LUZP2: variants seen among roughly 807,000 people sequenced by gnomAD.
The protein encoded by LUZP2 is leucine zipper protein 2.
LUZP2 carries 52 observed loss-of-function variants against 51.6 expected under a neutral mutation model. That is an observed-to-expected ratio of 1.01 (90% CI 0.81 to 1.27). LUZP2 has a LOEUF of 1.27. Ranked by LOEUF, LUZP2 falls within the 50% of genes most tolerant of loss-of-function variation. The probability of loss-of-function intolerance (pLI) is 0.00; values close to 1 mark genes in which losing one functional copy is unlikely to be tolerated. For synonymous variants in LUZP2, 154 were observed against 137.3 expected, an observed-to-expected ratio of 1.12 and a Z score of -0.85; for missense variants, 436 against 395.4, an observed-to-expected ratio of 1.10 and a Z score of -0.87.
intron 7 of LUZP2, among the ~76,000 whole-genome samples, chr11:24,949,495 CTGATGT>C (rs1320708386): frequency 6.6e-6 from 1 of 151,566 alleles, no homozygotes; most frequent in Non-Finnish European, 1.5e-5. Flanking sequence ...TTTGAGTACA[CTGATGT>C]TGATGTTTCT....
chr11:24,637,333 T>C (rs1855138764), intron 1 of LUZP2, among the ~76,000 whole-genome samples: 1 of 151,810 alleles, frequency 6.6e-6, no homozygotes, highest in Non-Finnish European at 1.5e-5. Context: ...GCTGAGGATG[T>C]ATGTCACCTC....
chr11:24,644,234 C>CTT (rs1408990429), intron 1 of LUZP2, among the ~76,000 whole-genome samples: 2 of 152,128 alleles, frequency 1.3e-5, no homozygotes, highest in Admixed American at 1.3e-4. Flanking sequence ...ATGCTTGACT[C>CTT]TTTCTTATGT....
chr11:24,626,616 C>T (rs1006053875), intron 1 of LUZP2, among the ~76,000 whole-genome samples: 7 of 152,062 alleles, frequency 4.6e-5, no homozygotes, highest in Admixed American at 6.6e-5. Context: ...AATGACATAG[C>T]CAATTTGATA....
At chr11:24,689,595 T>TG (rs1416984368) in intron 1 of LUZP2, among the ~76,000 whole-genome samples, 1 of 152,128 alleles carries the variant, frequency 6.6e-6, no homozygotes. Flanking sequence ...CACTTGATAG[T>TG]GGCCTGACAT....
chr11:25,018,538 T>C (rs545939345), intron 9 of LUZP2, among the ~76,000 whole-genome samples: 13 of 152,192 alleles, frequency 8.5e-5, no homozygotes, highest in Non-Finnish European at 1.6e-4. Context: ...CATATTAGCA[T>C]GGACTTATAG....
At chr11:25,068,407 C>G (rs1261357920) in intron 10 of LUZP2, among the ~76,000 whole-genome samples, 1 of 151,888 alleles carries the variant, frequency 6.6e-6, no homozygotes, top group Non-Finnish European at 1.5e-5. Flanking sequence ...ATTTGGAACT[C>G]TAACTCCAAA....
At position 24,689,603 on chromosome 11, in the gene LUZP2, C is replaced by T. The variant is rs146679218; in HGVS notation, c.63-39566C>T. Among the ~76,000 whole-genome samples the T allele has an allele frequency of 2.3e-3, 344 of 152,252 alleles. 2 individuals are homozygous for T. The highest frequency in any genetic ancestry group is 7.8e-3 in the African/African-American group (326 of 41,562). ...TGACCATCACTTGATAGTGGCCTGA[C>T]ATTCCTGAGACTGGGTGGGGTTGGG... On this transcript the variant is annotated intron_variant, in intron 1 of 11. Transcript: ENST00000336930.
Position 24,875,202 on chromosome 11 carries a change from T to A in LUZP2, c.397-30789T>A, listed in dbSNP as rs1261635608. Among the ~76,000 whole-genome samples the A allele has an allele frequency of 5.3e-5, 8 of 150,652 alleles. 1 individual carries two copies. The East Asian group carries it at 1.6e-3, about 30-fold the overall frequency. On this transcript the variant is annotated intron_variant, in intron 5 of 11. Transcript: ENST00000336930. ...GTGCCATGCTGGTGTGCTGCACCCA[T>A]TAACTCGTCATTTAGCATTAGGTAT...
At chr11:24,874,279 A>G (rs1385439798) in intron 5 of LUZP2, among the ~76,000 whole-genome samples, 1 of 152,050 alleles carries the variant, frequency 6.6e-6, no homozygotes, top group Non-Finnish European at 1.5e-5. Flanking sequence ...TCAGGTTCCA[A>G]CCTGAGCTGG....
intron 7 of LUZP2, among the ~76,000 whole-genome samples, chr11:24,932,398 G>T (rs372878078): frequency 6.6e-6 from 1 of 152,124 alleles, no homozygotes; most frequent in African/African-American, 2.4e-5. Flanking sequence ...GCTACCACAG[G>T]GGGTAGAGAA....
chr11:24,974,261 C>CT lies in LUZP2; in HGVS notation c.523-2324dup, dbSNP rs1320745502. 4.6e-5 allele frequency among the ~76,000 whole-genome samples: 7 copies of CT among 152,050 alleles called. No individual in the cohort carries two copies. The East Asian group carries it at 1.4e-3, about 29-fold the overall frequency. ...TCAGAAATTAGGATTGCAACCTCTG[C>CT]TTTTTTGTGTTTTTCATTTGCTTGG... On this transcript the variant is annotated intron_variant, in intron 7 of 11. Transcript: ENST00000336930.
At chr11:24,549,889 A>G (rs2133744146) in intron 1 of LUZP2, among the ~76,000 whole-genome samples, 1 of 152,220 alleles carries the variant, frequency 6.6e-6, no homozygotes, top group Non-Finnish European at 1.5e-5. Flanking sequence ...AGATTCAATA[A>G]AATATAAAGA....
chr11:24,990,747 A>T (rs1223774283), intron 9 of LUZP2, among the ~76,000 whole-genome samples: 2 of 152,084 alleles, frequency 1.3e-5, no homozygotes, highest in Non-Finnish European at 2.9e-5. Context: ...AGAAATATAA[A>T]GAATCTAAAT....
rs3078893 is a variant in LUZP2 at position 24,881,315 on chromosome 11, C to CAA, written c.397-24664_397-24663dup. 4.7e-3 allele frequency among the ~76,000 whole-genome samples: 595 copies of CAA among 127,792 alleles called. 4 individuals are homozygous for CAA. Among genetic ancestry groups the CAA allele is most frequent in the African/African-American group, 0.016 (568 of 36,496 alleles). The allele number at this position is 127,792 out of a possible 152,430, so 83.8% of individuals were successfully genotyped here. A position where few individuals can be genotyped will look rare whatever the true frequency, so the allele number is the denominator to read the frequency against. ...TAAAAAGGAGAGACTGAGTAATTGCCAAAAAAAAAAAAAGAGAGAGAGACA... is the reference window on the plus strand; with the variant it reads ...TAAAAAGGAGAGACTGAGTAATTGCCAAAAAAAAAAAAAAAGAGAGAGAGACA... On this transcript the variant is annotated intron_variant, in intron 5 of 11. Transcript: ENST00000336930.
intron 9 of LUZP2, among the ~76,000 whole-genome samples, chr11:25,039,852 T>C (rs968338534): frequency 1.3e-5 from 2 of 152,158 alleles, no homozygotes; most frequent in Non-Finnish European, 2.9e-5. Flanking sequence ...CAAGGACAAG[T>C]ATTGTCCTTT....
rs768381949 is a variant in LUZP2, at chr11:25,050,026, G to A, written c.766-12G>A. 3.8e-5 allele frequency: 58 copies of A among 1,518,404 alleles called. No individual in the cohort carries two copies. The East Asian group carries it at 1.1e-3, about 30-fold the overall frequency. 94.1% of individuals were successfully genotyped at this position (1,518,404 alleles called of 1,614,324 possible). A position where few individuals can be genotyped will look rare whatever the true frequency, so the allele number is the denominator to read the frequency against. ...GATTTCTTTCTTTCTATCTCTCTTC[G>A]TCTCTTTTAAGCCTCAACAAAGTGC... is the stretch of plus-strand genomic sequence containing the variant. On this transcript the variant is annotated splice_polypyrimidine_tract_variant and intron_variant, in intron 9 of 11. Transcript: ENST00000336930.
At chr11:24,583,856 A>G (rs1590208212) in intron 1 of LUZP2, among the ~76,000 whole-genome samples, 2 of 146,594 alleles carry the variant, frequency 1.4e-5, no homozygotes, top group South Asian at 2.2e-4. Context: ...GGAGCCCGCC[A>G]CCATGACCAG....
intron 5 of LUZP2, among the ~76,000 whole-genome samples, chr11:24,772,688 C>A (rs895158760): frequency 2.0e-5 from 3 of 152,066 alleles, no homozygotes; most frequent in African/African-American, 7.2e-5. Flanking sequence ...CAGGAATTTC[C>A]TGTCTCTCAA....
chr11:24,758,605 T>C (rs1859861258), intron 4 of LUZP2, among the ~76,000 whole-genome samples: 1 of 152,104 alleles, frequency 6.6e-6, no homozygotes, highest in Non-Finnish European at 1.5e-5. Flanking sequence ...ACTATAGTTG[T>C]AATTGAAGTT....
Sources: gnomAD v4.1 joint callset for allele counts (sites outside exome capture counted in the v4.1 genomes callset) on GRCh38, gnomAD v4.1.1 for gene constraint, MANE v1.5 for transcripts, NCBI Gene and HGNC (gene_info 2026-07-23, HGNC 2026-07-21) for gene names.